The following TFB1M variants were observed in gnomAD, a reference collection of about 807,000 sequenced individuals.
The protein encoded by TFB1M is dimethyladenosine transferase 1, mitochondrial.
TFB1M carries 27 observed loss-of-function variants against 31.1 expected under a neutral mutation model. The ratio of observed to expected loss-of-function variants is 0.87; its 90% CI spans 0.64 to 1.20. The LOEUF (loss-of-function observed/expected upper bound fraction) is 1.20. Ranked by LOEUF, TFB1M falls within the 50% of genes most tolerant of loss-of-function variation. The pLI, the probability that TFB1M is intolerant of heterozygous loss-of-function variation, is 0.00. For missense variants in TFB1M, 394 were observed against 418.7 expected, an observed-to-expected ratio of 0.94 and a Z score of 0.51; for synonymous variants, 166 against 151.8, an observed-to-expected ratio of 1.09 and a Z score of -0.69.
intron 5 of TFB1M, among the ~76,000 whole-genome samples, chr6:155,277,374 G>A (rs1284479721): frequency 1.3e-5 from 2 of 152,100 alleles, no homozygotes; most frequent in Admixed American, 6.5e-5. Context: ...ATTATGATAT[G>A]TGATTCAAAT....
At chr6:155,282,165 TAG>T in intron 5 of TFB1M, among the ~76,000 whole-genome samples, 1 of 152,236 alleles carries the variant, frequency 6.6e-6, no homozygotes, top group Non-Finnish European at 1.5e-5. Context: ...GACACTAAAG[TAG>T]ACCAATTAAT....
In TFB1M at chr6:155,260,318, T is replaced by C. The variant is rs1784334540; in HGVS notation, c.749A>G (p.Gln250Arg). 6.2e-7 allele frequency: 1 copy of C among 1,614,250 alleles called. No individual in the cohort carries two copies. Among genetic ancestry groups the C allele is most frequent in the Non-Finnish European group, 8.5e-7 (1 of 1,180,026 alleles). The change falls in exon 6 of 7, where the codon CAG becomes CGG. Residue 250 changes from glutamine (Q) to arginine (R), a missense_variant. By Grantham distance (43) the Gln-to-Arg change is conservative. Transcript: ENST00000367166. ...TTTCCTTCGGAACTGAAATACATTC[T>C]GAACCACTTTTTCCACCAGCTTGAA... ...QPFKLVEKVV[Q>R]NVFQFRRKYC... is the part of the protein sequence containing the mutation.
At chr6:155,255,303 A>C (rs901818471), downstream of TFB1M, 1 of 152,202 alleles carries the variant, frequency 6.6e-6, no homozygotes, top group Non-Finnish European at 1.5e-5. Context: ...ACTCGTTCTT[A>C]ATCGATAGGG....
At position 155,257,622 on chromosome 6, in the gene TFB1M, A is replaced by T. The variant is rs3940; in HGVS notation, c.*214T>A. ...TGCTGTTTATACTAAACATGTCATA[A>T]CTATCTATACAGTATATATTAAAAG... On this transcript the variant is annotated 3_prime_UTR_variant, in exon 7 of 7. Coordinates refer to ENST00000367166, the MANE Select transcript of TFB1M (RefSeq NM_016020.4). 0.64 allele frequency: 358,154 copies of T among 555,690 alleles called. 118,850 individuals are homozygous for T. The highest frequency in any genetic ancestry group is 0.98 in the East Asian group (31,459 of 32,090). The allele number at this position is 555,690 out of a possible 1,614,324, so 34.4% of individuals were successfully genotyped here.
At chr6:155,246,909 G>C in the TFB1M span, among the ~76,000 whole-genome samples, 1,097 of 152,370 alleles carry the variant, frequency 7.2e-3, 7 homozygotes, top group Non-Finnish European at 0.011. Context: ...TGCATTCCAA[G>C]CAACTGGGCA....
chr6:155,272,826 C>G (rs1784996378), intron 5 of TFB1M, among the ~76,000 whole-genome samples: 1 of 152,184 alleles, frequency 6.6e-6, no homozygotes, highest in Non-Finnish European at 1.5e-5. Context: ...TAATTGATCA[C>G]TGCCAGTACT....
At chr6:155,302,837 T>C (rs1182358282) in intron 2 of TFB1M, among the ~76,000 whole-genome samples, 2 of 152,214 alleles carry the variant, frequency 1.3e-5, no homozygotes, top group African/African-American at 4.8e-5. Flanking sequence ...AGATGTTTAA[T>C]TGACTCACAG....
chr6:155,265,430 C>T (rs538045167), intron 5 of TFB1M, among the ~76,000 whole-genome samples: 1 of 152,204 alleles, frequency 6.6e-6, no homozygotes, highest in African/African-American at 2.4e-5. Flanking sequence ...ACGGACTAGA[C>T]ATCACACTGA....
rs372758302 is a variant in TFB1M, at chr6:155,308,078, C to G, written c.285+3110G>C. 2.5e-4 allele frequency among the ~76,000 whole-genome samples: 38 copies of G among 152,278 alleles called. 1 individual carries two copies. In the East Asian group the frequency reaches 5.4e-3, roughly 22 times the overall value. On this transcript the variant is annotated intron_variant, in intron 2 of 6. Coordinates refer to ENST00000367166, the MANE Select transcript of TFB1M (RefSeq NM_016020.4). Reference sequence around the variant, plus strand: ...CAGTTCAGAAAGAGGAAAAACCTATCAAGGCCTCAAGCTCCTTGAGATTCA... The same window carrying G: ...CAGTTCAGAAAGAGGAAAAACCTATGAAGGCCTCAAGCTCCTTGAGATTCA...
intron 4 of TFB1M, among the ~76,000 whole-genome samples, chr6:155,292,867 C>T (rs145810626): frequency 6.6e-6 from 1 of 152,206 alleles, no homozygotes; most frequent in Non-Finnish European, 1.5e-5. Flanking sequence ...TCTTGCTCTG[C>T]CGCCCAGGCT....
In TFB1M at chr6:155,295,452, T is replaced by C. The variant is rs1032917610; in HGVS notation, c.546+1501A>G. On this transcript the variant is annotated intron_variant, in intron 4 of 6. Transcript: ENST00000367166. Reference sequence around the variant, plus strand: ...ACTATGCAAGGGAATAAATCCAAAATTCACAGTAGTGATCACCTTACTAGC... The same window carrying C: ...ACTATGCAAGGGAATAAATCCAAAACTCACAGTAGTGATCACCTTACTAGC... Among the ~76,000 whole-genome samples the C allele has an allele frequency of 4.6e-5, 7 of 152,004 alleles. No homozygotes were observed. In the East Asian group the frequency reaches 1.2e-3, roughly 25 times the overall value.
At chr6:155,287,972 G>A (rs748586135) in intron 4 of TFB1M, among the ~76,000 whole-genome samples, 1 of 152,192 alleles carries the variant, frequency 6.6e-6, no homozygotes, top group African/African-American at 2.4e-5. Flanking sequence ...AAGACACAGT[G>A]CTTTCTGAGC....
chr6:155,253,676 G>C (rs541242146), downstream of TFB1M: 3 of 278,576 alleles, frequency 1.1e-5, no homozygotes, highest in East Asian at 2.1e-4. Flanking sequence ...AAACTGCAAA[G>C]GAGGTTGAAG....
the TFB1M span, among the ~76,000 whole-genome samples, chr6:155,243,783 G>C: frequency 2.3e-4 from 33 of 141,216 alleles, no homozygotes; most frequent in East Asian, 2.5e-3. Context: ...GGAGGCAGAG[G>C]TTGCAGTGAG....
intron 2 of TFB1M, among the ~76,000 whole-genome samples, chr6:155,308,247 C>T (rs1180088640): frequency 6.6e-6 from 1 of 152,168 alleles, no homozygotes; most frequent in African/African-American, 2.4e-5. Flanking sequence ...GTGTCCAATG[C>T]AAGTTTGATG....
intron 4 of TFB1M, among the ~76,000 whole-genome samples, chr6:155,287,164 T>C (rs374278922): frequency 7.3e-5 from 11 of 151,646 alleles, no homozygotes; most frequent in South Asian, 2.1e-4. Context: ...TCTGCAGCTA[T>C]AGGAACTTTC....
At chr6:155,239,509 C>G in the TFB1M span, among the ~76,000 whole-genome samples, 1 of 152,214 alleles carries the variant, frequency 6.6e-6, no homozygotes, top group East Asian at 1.9e-4. Flanking sequence ...TCTGACCCTG[C>G]TCCAGCAACT....
At chr6:155,244,332 GA>G in the TFB1M span, among the ~76,000 whole-genome samples, 1 of 152,198 alleles carries the variant, frequency 6.6e-6, no homozygotes, top group African/African-American at 2.4e-5. Flanking sequence ...AGTGTGATCA[GA>G]AATTCCTTTT....
chr6:155,298,207 A>C (rs927245798), intron 3 of TFB1M, among the ~76,000 whole-genome samples: 1 of 152,262 alleles, frequency 6.6e-6, no homozygotes, highest in African/African-American at 2.4e-5. Flanking sequence ...CCCTATCCTT[A>C]TATGGTATCA....
Sources: gnomAD v4.1 joint callset for allele counts (sites outside exome capture counted in the v4.1 genomes callset) on GRCh38, gnomAD v4.1.1 for gene constraint, MANE v1.5 for transcripts, NCBI Gene and HGNC (gene_info 2026-07-23, HGNC 2026-07-21) for gene names.